SCN11A: variants seen among roughly 807,000 people sequenced by gnomAD.
SCN11A encodes the protein sodium voltage-gated channel alpha subunit 11.
SCN11A carries 122 observed loss-of-function variants against 162.2 expected under a neutral mutation model. The observed-to-expected ratio is 0.75, with a 90% CI of 0.65 to 0.87. The LOEUF is 0.87. Ranked by LOEUF, SCN11A falls within the 40% of genes least tolerant of loss-of-function variation. SCN11A has a pLI of 0.00. For synonymous variants in SCN11A, 758 were observed against 751.5 expected (o/e 1.01, Z -0.14); for missense variants, 2,015 against 2,181.6 (o/e 0.92, Z 1.52).
chr3:38,936,934 A>G (rs976325640), intron 7 of SCN11A, among the ~76,000 whole-genome samples: 2 of 152,114 alleles, frequency 1.3e-5, no homozygotes, highest in African/African-American at 4.8e-5. Flanking sequence ...AGCCAAAAGA[A>G]CAAAGCTGGA....
At chr3:38,960,924 A>G (rs1340458979) in intron 2 of SCN11A, among the ~76,000 whole-genome samples, 1 of 152,068 alleles carries the variant, frequency 6.6e-6, no homozygotes, top group African/African-American at 2.4e-5. Flanking sequence ...CATCCAGACA[A>G]CTCTGCAGCA....
chr3:38,908,522 A>G (rs1247923365), intron 13 of SCN11A, among the ~76,000 whole-genome samples: 1 of 152,190 alleles, frequency 6.6e-6, no homozygotes, highest in Non-Finnish European at 1.5e-5. Context: ...CTGAGACTTG[A>G]GCTGGAAGAA....
chr3:38,889,698 G>A (rs1391029575), intron 19 of SCN11A, among the ~76,000 whole-genome samples: 1 of 151,630 alleles, frequency 6.6e-6, no homozygotes, highest in Non-Finnish European at 1.5e-5. Flanking sequence ...TACTCGGGAG[G>A]CTGAGGCAGG....
intron 15 of SCN11A, 120 bp downstream of exon 15, chr3:38,905,072 T>C (rs2065770893): frequency 7.9e-7 from 1 of 1,266,586 alleles, no homozygotes; most frequent in South Asian, 1.2e-5. Context: ...TGCAGGATGG[T>C]ACAGTGGGTT....
intron 7 of SCN11A, among the ~76,000 whole-genome samples, chr3:38,942,916 T>G (rs2066462066): frequency 6.6e-6 from 1 of 152,174 alleles, no homozygotes; most frequent in Non-Finnish European, 1.5e-5. Flanking sequence ...TTTAGCAGTT[T>G]ATTAGAAAGT....
intron 2 of SCN11A, among the ~76,000 whole-genome samples, chr3:38,991,886 A>G (rs775811409): frequency 4.1e-4 from 62 of 152,036 alleles, no homozygotes; most frequent in Non-Finnish European, 6.9e-4. Flanking sequence ...TTGGCTCACT[A>G]TAACCTCTGC....
At chr3:38,894,447 T>C (rs2065552031) in intron 19 of SCN11A, 86 bp downstream of exon 19, 3 of 1,077,760 alleles carry the variant, frequency 2.8e-6, no homozygotes, top group South Asian at 3.0e-5. Context: ...TATCCTTGCA[T>C]AGTGCCTAGA....
intron 27 of SCN11A, among the ~76,000 whole-genome samples, chr3:38,865,540 G>A (rs1215830490): frequency 6.6e-6 from 1 of 151,988 alleles, no homozygotes; most frequent in Non-Finnish European, 1.5e-5. Context: ...AAAACAATTA[G>A]GAAAACCAAA....
At position 38,883,350 on chromosome 3, in the gene SCN11A, C is replaced by G. The variant is rs766807996; in HGVS notation, c.3102G>C (p.Lys1034Asn). The change falls in exon 22 of 30, where the codon AAG becomes AAC. Residue 1034 changes from lysine to asparagine, a missense_variant. Coordinates refer to ENST00000302328, the MANE Select transcript of SCN11A (RefSeq NM_001349253.2). Reference protein sequence around the residue: ...GCCFPCCSVDKRKPPWVIWWN... With the variant: ...GCCFPCCSVDNRKPPWVIWWN... ...ACCAAATGACCCAGGGAGGCTTTCTCTTGTCCACGCTACAGCATGGAAAGC... is the reference window on the plus strand; with the variant it reads ...ACCAAATGACCCAGGGAGGCTTTCTGTTGTCCACGCTACAGCATGGAAAGC... 2.5e-6 allele frequency: 4 copies of G among 1,613,926 alleles called. No homozygotes were observed. The African/African-American group carries it at 5.3e-5, about 22-fold the overall frequency.
At chr3:38,877,784 C>CAT (rs2065243988) in intron 23 of SCN11A, among the ~76,000 whole-genome samples, 1 of 140,652 alleles carries the variant, frequency 7.1e-6, no homozygotes, top group South Asian at 2.3e-4. Flanking sequence ...GTGTATATAC[C>CAT]ATATATATAT....
intron 5 of SCN11A, among the ~76,000 whole-genome samples, chr3:38,948,229 A>C (rs1247526881): frequency 6.6e-6 from 1 of 152,222 alleles, no homozygotes; most frequent in Non-Finnish European, 1.5e-5. Flanking sequence ...TTTGGGGCAG[A>C]AACAAACCTC....
intron 2 of SCN11A, among the ~76,000 whole-genome samples, chr3:38,970,670 G>A (rs1426100643): frequency 1.3e-5 from 2 of 152,170 alleles, no homozygotes. Context: ...TGGATCATCT[G>A]TGACCCATGC....
chr3:39,017,122 T>C (rs184019833), intron 2 of SCN11A, among the ~76,000 whole-genome samples: 1 of 152,232 alleles, frequency 6.6e-6, no homozygotes, highest in East Asian at 1.9e-4. Flanking sequence ...AGGAATGAAA[T>C]TAGAGATCTT....
chr3:38,872,404 A>T, intron 23 of SCN11A, 110 bp from the exon 24 acceptor site: 1 of 652,300 alleles, frequency 1.5e-6, no homozygotes, highest in Non-Finnish European at 2.8e-6. Context: ...GGAACAATGC[A>T]CTCACGTTAT....
At chr3:38,936,625 C>T (rs1159801104) in intron 7 of SCN11A, among the ~76,000 whole-genome samples, 2 of 151,120 alleles carry the variant, frequency 1.3e-5, no homozygotes, top group African/African-American at 4.9e-5. Flanking sequence ...TTCACAATTG[C>T]TTCAAAGAGA....
At chr3:38,948,852 C>T (rs1042810212) in intron 5 of SCN11A, among the ~76,000 whole-genome samples, 10 of 152,132 alleles carry the variant, frequency 6.6e-5, no homozygotes, top group African/African-American at 2.2e-4. Flanking sequence ...CAGAAGGAGA[C>T]CTCTACAGTT....
chr3:39,016,081 A>C (rs1056753069), intron 2 of SCN11A, among the ~76,000 whole-genome samples: 1 of 152,218 alleles, frequency 6.6e-6, no homozygotes, highest in African/African-American at 2.4e-5. Flanking sequence ...GGAATGAGAG[A>C]AGCAGGGTAG....
chr3:38,897,072 T>C lies in SCN11A; in HGVS notation c.2176A>G (p.Ser726Gly), dbSNP rs767776787. 1.2e-6 allele frequency: 2 copies of C among 1,614,156 alleles called. No individual in the cohort carries two copies. The highest frequency in any genetic ancestry group is 1.7e-5 in the Admixed American group (1 of 60,012). ...TTTGGACTCTTTTGGGAATTGAAGC[T>C]ACGGCCAAAAAGCTGCATGCCAACT... ...SVVGMQLFGR[S>G]FNSQKSPKLC... The change falls in exon 18 of 30, where the codon AGC (serine) becomes GGC (glycine). Residue 726 changes from serine to glycine, a missense_variant. Transcript: ENST00000302328.
Position 38,870,682 on chromosome 3 carries a change from C to T in SCN11A, c.3813+9G>A. 6.2e-7 allele frequency: 1 copy of T among 1,612,004 alleles called. No homozygotes were observed. The highest frequency in any genetic ancestry group is 1.1e-5 in the South Asian group (1 of 91,006). On this transcript the variant is annotated intron_variant, in intron 26 of 29. Transcript: ENST00000302328. ...TAACACTCCAGAACATGGTAGAACA[C>T]TGACTCACCTCTGTGGAATCAACAG...
Sources: allele counts gnomAD v4.1 joint callset (sites outside exome capture counted in the v4.1 genomes callset), GRCh38; gene constraint gnomAD v4.1.1; transcripts MANE v1.5; gene names NCBI Gene and HGNC (gene_info 2026-07-23, HGNC 2026-07-21).